The following GRID2 variants were observed in gnomAD, a reference collection of about 807,000 sequenced individuals.
GRID2 encodes glutamate receptor ionotropic, delta-2.
Under a neutral mutation model 114.8 loss-of-function variants are expected in GRID2, and 33 were observed. The observed-to-expected ratio is 0.29, with a 90% CI of 0.22 to 0.38. GRID2 has a LOEUF of 0.38. Ranked by LOEUF, GRID2 falls within the 10% of genes least tolerant of loss-of-function variation. The pLI, the probability that GRID2 is intolerant of heterozygous loss-of-function variation, is 1.00. For missense variants in GRID2, 1,184 were observed against 1,257.7 expected (o/e 0.94, Z 0.89); for synonymous variants, 505 against 449.9 (o/e 1.12, Z -1.55).
At chr4:92,688,772 C>T (rs1734042844) in intron 2 of GRID2, among the ~76,000 whole-genome samples, 1 of 152,070 alleles carries the variant, frequency 6.6e-6, no homozygotes, top group Non-Finnish European at 1.5e-5. Flanking sequence ...ATATTTTGAC[C>T]TCTTCCCATG....
intron 1 of GRID2, among the ~76,000 whole-genome samples, chr4:92,534,821 A>C (rs1449566229): frequency 6.6e-6 from 1 of 152,130 alleles, no homozygotes; most frequent in Non-Finnish European, 1.5e-5. Context: ...AAAGACGTTA[A>C]TATTATGAGT....
intron 2 of GRID2, among the ~76,000 whole-genome samples, chr4:92,787,230 G>GTA (rs1739360886): frequency 6.6e-6 from 1 of 151,820 alleles, no homozygotes; most frequent in South Asian, 2.1e-4. Flanking sequence ...GACACATCAA[G>GTA]TATATATTCT....
At chr4:92,697,088 GC>G (rs1734455262) in intron 2 of GRID2, among the ~76,000 whole-genome samples, 1 of 152,154 alleles carries the variant, frequency 6.6e-6, no homozygotes, top group South Asian at 2.1e-4. Flanking sequence ...AAATGAGCAA[GC>G]TTTTAAATAT....
chr4:93,801,177 G>C (rs896605435), intron 1 of GRID2, among the ~76,000 whole-genome samples: 1 of 152,020 alleles, frequency 6.6e-6, no homozygotes, highest in African/African-American at 2.4e-5. Context: ...AATTTATATA[G>C]ATTGATTTTC....
At chr4:93,252,540 T>G (rs1749086496) in intron 8 of GRID2, among the ~76,000 whole-genome samples, 1 of 152,110 alleles carries the variant, frequency 6.6e-6, no homozygotes, top group African/African-American at 2.4e-5. Flanking sequence ...AGGATTGTCT[T>G]GACCATTTGG....
At chr4:92,432,381 C>A (rs1449886336) in intron 1 of GRID2, among the ~76,000 whole-genome samples, 1 of 152,060 alleles carries the variant, frequency 6.6e-6, no homozygotes, top group Admixed American at 6.5e-5. Context: ...CGTTTGGGGA[C>A]CAAGGCCTGA....
At chr4:93,658,520 C>A (rs1723213781) in intron 14 of GRID2, among the ~76,000 whole-genome samples, 1 of 152,122 alleles carries the variant, frequency 6.6e-6, no homozygotes, top group Non-Finnish European at 1.5e-5. Context: ...CTGGAGATTA[C>A]AGAGGTTAAG....
chr4:92,769,327 G>A (rs1280263204), intron 2 of GRID2, among the ~76,000 whole-genome samples: 4 of 152,160 alleles, frequency 2.6e-5, no homozygotes, highest in African/African-American at 9.7e-5. Flanking sequence ...TAGCTTTGCA[G>A]GGCACAGCCT....
chr4:93,331,103 G>A (rs578124933), intron 8 of GRID2, among the ~76,000 whole-genome samples: 2 of 150,594 alleles, frequency 1.3e-5, no homozygotes, highest in Non-Finnish European at 3.0e-5. Context: ...TAATACAACA[G>A]CCTCAGTGCC....
chr4:92,342,743 T>C (rs1727564513), intron 1 of GRID2, among the ~76,000 whole-genome samples: 1 of 152,206 alleles, frequency 6.6e-6, no homozygotes, highest in Non-Finnish European at 1.5e-5. Flanking sequence ...AAGAAAAGCA[T>C]ACAGATTTTC....
chr4:92,333,979 T>A (rs1040302693), intron 1 of GRID2, among the ~76,000 whole-genome samples: 1 of 152,136 alleles, frequency 6.6e-6, no homozygotes, highest in African/African-American at 2.4e-5. Flanking sequence ...AATTCTCCCA[T>A]CTCAGTCTCC....
intron 2 of GRID2, among the ~76,000 whole-genome samples, chr4:92,763,978 G>T (rs541320197): frequency 6.6e-6 from 1 of 152,204 alleles, no homozygotes; most frequent in East Asian, 1.9e-4. Context: ...ATTTATTTAT[G>T]TTAAAAAAAA....
chr4:93,494,746 T>C (rs1215822079), intron 12 of GRID2, among the ~76,000 whole-genome samples: 1 of 151,776 alleles, frequency 6.6e-6, no homozygotes, highest in East Asian at 1.9e-4. Context: ...AATTTGGGCT[T>C]TTTCATTCCC....
intron 8 of GRID2, among the ~76,000 whole-genome samples, chr4:93,385,670 A>G (rs1459426783): frequency 2.0e-5 from 3 of 152,054 alleles, no homozygotes; most frequent in African/African-American, 7.2e-5. Flanking sequence ...ACTAATAATA[A>G]TACTTACATC....
At chr4:93,285,409 T>G (rs1360994104) in intron 8 of GRID2, among the ~76,000 whole-genome samples, 1 of 151,918 alleles carries the variant, frequency 6.6e-6, no homozygotes, top group South Asian at 2.1e-4. Flanking sequence ...ACCTTTATCA[T>G]GAAAAAGGAA....
In GRID2 at chr4:93,049,685, A is replaced by T. The variant is rs1376051348; in HGVS notation, c.245-35310A>T. On this transcript the variant is annotated intron_variant, in intron 2 of 15. Transcript: ENST00000282020. ...CCCAGGGAAATGAAAAATATTTGTT[A>T]CTTATAAATGGTATAATTAAAAATA... Among the ~76,000 whole-genome samples the T allele has an allele frequency of 2.0e-5, 3 of 151,952 alleles. No homozygotes were observed. The South Asian group carries it at 6.2e-4, about 31-fold the overall frequency.
chr4:93,530,052 A>G (rs1342543480), intron 13 of GRID2, among the ~76,000 whole-genome samples: 2 of 152,152 alleles, frequency 1.3e-5, no homozygotes, highest in African/African-American at 4.8e-5. Context: ...TACCAGAGCC[A>G]AATAATTGCT....
At chr4:93,424,716 C>T (rs1768668932) in intron 10 of GRID2, among the ~76,000 whole-genome samples, 1 of 152,100 alleles carries the variant, frequency 6.6e-6, no homozygotes, top group African/African-American at 2.4e-5. Context: ...GGATAGGTTA[C>T]ATTTAGTAAA....
At chr4:93,111,759 T>C (rs1311207737) in intron 4 of GRID2, among the ~76,000 whole-genome samples, 1 of 151,056 alleles carries the variant, frequency 6.6e-6, no homozygotes, top group East Asian at 1.9e-4. Flanking sequence ...TACTTTTTTT[T>C]TTTTTTTGCC....
Sources: allele counts gnomAD v4.1 joint callset (sites outside exome capture counted in the v4.1 genomes callset), GRCh38; gene constraint gnomAD v4.1.1; transcripts MANE v1.5; gene names NCBI Gene and HGNC (gene_info 2026-07-23, HGNC 2026-07-21).